The following LONP2 variants were observed in gnomAD, a reference collection of about 807,000 sequenced individuals.
LONP2 encodes lon protease homolog 2, peroxisomal.
LONP2 carries 60 observed loss-of-function variants against 85.6 expected under a neutral mutation model. The ratio of observed to expected loss-of-function variants is 0.70; its 90% CI spans 0.57 to 0.87. The LOEUF (loss-of-function observed/expected upper bound fraction) is 0.87, where lower values mean the gene tolerates loss of function less well. Ranked by LOEUF, LONP2 falls within the 40% of genes least tolerant of loss-of-function variation. The probability of loss-of-function intolerance (pLI) is 0.00; values close to 1 mark genes in which losing one functional copy is unlikely to be tolerated. For missense variants in LONP2, 860 were observed against 1,063.5 expected (o/e 0.81, Z 2.66); for synonymous variants, 395 against 389.7 (o/e 1.01, Z -0.16).
rs2150982395 is a variant in LONP2 at position 48,277,440 on chromosome 16, A to G, written c.1344A>G (p.Gly448=). 1 of 1,613,560 alleles carries G rather than the reference A, an allele frequency of 6.2e-7. No homozygotes were observed. The highest frequency in any genetic ancestry group is 8.5e-7 in the Non-Finnish European group (1 of 1,179,730). Residue 448 remains glycine, a synonymous_variant, in exon 8 of 15, where the codon GGA becomes GGG. Coordinates refer to ENST00000285737, the MANE Select transcript of LONP2 (RefSeq NM_031490.5). ...VFLLDEVDKL[G]KSLQGDPAAA... ...TATTAGATGAGGTTGACAAACTGGG[A>G]AAAAGTCTACAGGGTGATCCAGCAG... is the stretch of plus-strand genomic sequence containing the variant.
Position 48,261,527 on chromosome 16 carries a change from A to C in LONP2, c.827A>C (p.Lys276Thr). Residue 276 changes from lysine (K) to threonine (T), a missense_variant, in exon 5 of 15, where the codon AAA (lysine) becomes ACA (threonine). Coordinates refer to ENST00000285737, the MANE Select transcript of LONP2 (RefSeq NM_031490.5). ...GATGACATTGTCATGCTAGAGAAAA[A>C]AATACGAACATCTAGTATGCCAGAG... ...DNDDIVMLEK[K>T]IRTSSMPEQA... The C allele has an allele frequency of 6.2e-7, 1 of 1,608,280 alleles. No individual in the cohort carries two copies. The highest frequency in any genetic ancestry group is 8.5e-7 in the Non-Finnish European group (1 of 1,177,368).
intron 11 of LONP2, among the ~76,000 whole-genome samples, chr16:48,311,254 T>G (rs1270131919): frequency 6.6e-6 from 1 of 152,138 alleles, no homozygotes; most frequent in African/African-American, 2.4e-5. Context: ...TTTCTGAAAT[T>G]TTTGCTTTTT....
downstream of LONP2, among the ~76,000 whole-genome samples, chr16:48,357,871 CTG>C (rs1203571838): frequency 6.6e-6 from 1 of 152,164 alleles, no homozygotes; most frequent in Non-Finnish European, 1.5e-5. Flanking sequence ...AAAGGAAAAA[CTG>C]TTCCCCAAAA....
At chr16:48,300,868 C>A (rs918257755) in intron 10 of LONP2, among the ~76,000 whole-genome samples, 1 of 152,180 alleles carries the variant, frequency 6.6e-6, no homozygotes, top group African/African-American at 2.4e-5. Flanking sequence ...TTTTTGATAG[C>A]TTCCCCATCT....
intron 3 of LONP2, among the ~76,000 whole-genome samples, chr16:48,258,290 T>A (rs765730205): frequency 2.7e-5 from 4 of 149,674 alleles, no homozygotes; most frequent in African/African-American, 7.4e-5. Flanking sequence ...GAGCTTGCAC[T>A]GAGCCAAGAT....
chr16:48,308,238 A>G (rs1972953463), intron 11 of LONP2, among the ~76,000 whole-genome samples: 1 of 152,204 alleles, frequency 6.6e-6, no homozygotes, highest in South Asian at 2.1e-4. Flanking sequence ...GTACACTGGG[A>G]AAGGACAACC....
intron 1 of LONP2, 94 bp from the exon 2 acceptor site, chr16:48,252,037 A>C (rs976778133): frequency 1.1e-6 from 1 of 930,520 alleles, no homozygotes. Context: ...TCTTTTGCTT[A>C]ATGAATGTAT....
chr16:48,295,304 G>A (rs922224018), intron 8 of LONP2, among the ~76,000 whole-genome samples: 16 of 152,054 alleles, frequency 1.1e-4, no homozygotes, highest in Non-Finnish European at 2.2e-4. Flanking sequence ...CCCGGGAGGC[G>A]GAGGTTGCAG....
At chr16:48,335,054 G>A (rs13336203) in intron 12 of LONP2, among the ~76,000 whole-genome samples, 389 of 152,278 alleles carry the variant, frequency 2.6e-3, no homozygotes, top group African/African-American at 8.9e-3. Context: ...CCAGGAGCCA[G>A]AGATCCCAGC....
intron 1 of LONP2, among the ~76,000 whole-genome samples, chr16:48,246,647 C>T (rs1001624688): frequency 6.0e-4 from 91 of 152,132 alleles, no homozygotes; most frequent in African/African-American, 1.9e-3. Flanking sequence ...CGTAGCCCAC[C>T]GCAACCTTGA....
At chr16:48,279,292 G>A (rs916547211) in intron 8 of LONP2, among the ~76,000 whole-genome samples, 3 of 152,166 alleles carry the variant, frequency 2.0e-5, no homozygotes, top group African/African-American at 7.2e-5. Flanking sequence ...GAGGCTATGA[G>A]CATAGGAGTG....
At chr16:48,273,739 T>A (rs1011030144) in intron 7 of LONP2, among the ~76,000 whole-genome samples, 6 of 152,196 alleles carry the variant, frequency 3.9e-5, no homozygotes, top group African/African-American at 1.4e-4. Flanking sequence ...AATGTTTGCA[T>A]AATTGTTTTT....
rs867645466 is a variant in LONP2, at chr16:48,310,802, C to T, written c.1795+7497C>T. ...ATGTGTTTTTATGATAGAGTATCAC[C>T]TTTTGTTCCCATGTTTAGAACTTCT... On this transcript the variant is annotated intron_variant, in intron 11 of 14. Coordinates refer to ENST00000285737, the MANE Select transcript of LONP2 (RefSeq NM_031490.5). Among the ~76,000 whole-genome samples, 1,366 of 152,210 alleles carry T rather than the reference C, an allele frequency of 9.0e-3. 26 individuals carry two copies. Among genetic ancestry groups the T allele is most frequent in the African/African-American group, 0.031 (1,303 of 41,522 alleles).
At chr16:48,348,992 G>T (rs917952064) in intron 14 of LONP2, among the ~76,000 whole-genome samples, 6 of 152,044 alleles carry the variant, frequency 3.9e-5, no homozygotes, top group Non-Finnish European at 7.4e-5. Context: ...GAGACCTCCT[G>T]TCCCCCTGCA....
In LONP2 at chr16:48,286,142, C is replaced by CTT. The variant is rs112681466; in HGVS notation, c.1383+8679_1383+8680dup. On this transcript the variant is annotated intron_variant, in intron 8 of 14. Coordinates refer to ENST00000285737, the MANE Select transcript of LONP2 (RefSeq NM_031490.5). Reference sequence around the variant, plus strand: ...ATATTTATAGTAGCTGATTTGTAATCTTTTTTTTTTTTTTTTTGAGACGGA... The same window carrying CTT: ...ATATTTATAGTAGCTGATTTGTAATCTTTTTTTTTTTTTTTTTTTGAGACGGA... Among the ~76,000 whole-genome samples, 481 of 137,378 alleles carry CTT rather than the reference C, an allele frequency of 3.5e-3. 4 individuals carry two copies. Among genetic ancestry groups the CTT allele is most frequent in the African/African-American group, 0.011 (423 of 36,954 alleles). The allele number at this position is 137,378 out of a possible 152,430, so 90.1% of individuals were successfully genotyped here. A position where few individuals can be genotyped will look rare whatever the true frequency, so the allele number is the denominator to read the frequency against.
At chr16:48,254,173 A>G (rs926079428) in intron 2 of LONP2, among the ~76,000 whole-genome samples, 1 of 152,142 alleles carries the variant, frequency 6.6e-6, no homozygotes, top group Admixed American at 6.5e-5. Context: ...ATGGACACCA[A>G]ATTTCTTAGT....
intron 7 of LONP2, among the ~76,000 whole-genome samples, chr16:48,276,585 A>G (rs941568024): frequency 1.3e-5 from 2 of 152,158 alleles, no homozygotes; most frequent in African/African-American, 4.8e-5. Flanking sequence ...CACACTCTAC[A>G]TCTGTCATAA....
chr16:48,273,914 A>G (rs986164338), intron 7 of LONP2, among the ~76,000 whole-genome samples: 1 of 152,208 alleles, frequency 6.6e-6, no homozygotes, highest in Non-Finnish European at 1.5e-5. Context: ...ATGAGAAGAA[A>G]AATGAACTTG....
intron 8 of LONP2, among the ~76,000 whole-genome samples, chr16:48,283,335 C>CCTT (rs1464651258): frequency 6.6e-6 from 1 of 152,150 alleles, no homozygotes; most frequent in Non-Finnish European, 1.5e-5. Context: ...GATGAAACAG[C>CCTT]CTTATTTTGT....
Sources: allele counts gnomAD v4.1 joint callset (sites outside exome capture counted in the v4.1 genomes callset), GRCh38; gene constraint gnomAD v4.1.1; transcripts MANE v1.5; gene names NCBI Gene and HGNC (gene_info 2026-07-23, HGNC 2026-07-21).